The following FAM168A variants were observed in gnomAD, a reference collection of about 807,000 sequenced individuals.
The protein encoded by FAM168A is protein FAM168A.
In FAM168A, 3 loss-of-function variants were observed where a neutral mutation model predicts 28.5. The observed-to-expected ratio is 0.11, with a 90% CI of 0.05 to 0.27. FAM168A has a LOEUF of 0.27. Among genes scored for constraint, FAM168A ranks in the 10% least tolerant of loss-of-function variants. FAM168A has a pLI of 1.00. For missense variants in FAM168A, 222 were observed against 311.5 expected, an observed-to-expected ratio of 0.71 and a Z score of 2.16; for synonymous variants, 122 against 124.2, an observed-to-expected ratio of 0.98 and a Z score of 0.12.
At chr11:73,513,755 T>A (rs945844239) in intron 1 of FAM168A, among the ~76,000 whole-genome samples, 11 of 152,146 alleles carry the variant, frequency 7.2e-5, no homozygotes, top group Admixed American at 4.6e-4. Flanking sequence ...GGCCAATAAG[T>A]TACCACAGCA....
In FAM168A at chr11:73,574,789, C is replaced by T. The variant is rs148541446; in HGVS notation, c.-19+23134G>A. On this transcript the variant is annotated intron_variant, in intron 1 of 7. Coordinates refer to ENST00000356467, the MANE Select transcript of FAM168A (RefSeq NM_015159.3). ...ATTTTGGCCAGGCTAGTCTCAAACT[C>T]CTGACCTCCAGTGACCCGCTCATCT... Among the ~76,000 whole-genome samples the T allele has an allele frequency of 2.1e-3, 314 of 149,188 alleles. 1 individual carries two copies. The highest frequency in any genetic ancestry group is 7.4e-3 in the African/African-American group (297 of 40,326).
intron 1 of FAM168A, among the ~76,000 whole-genome samples, chr11:73,535,809 C>T (rs1192716015): frequency 6.6e-6 from 1 of 151,316 alleles, no homozygotes; most frequent in Non-Finnish European, 1.5e-5. Context: ...GATCCTCCCA[C>T]CTTGGCCTCC....
rs191683978 is a variant in FAM168A at position 73,473,818 on chromosome 11, C to A, written c.-18-5326G>T. On this transcript the variant is annotated intron_variant, in intron 1 of 7. Coordinates refer to ENST00000356467, the MANE Select transcript of FAM168A (RefSeq NM_015159.3). ...TTCTCTGTTCTCTCATCCTTTCTTACTTTTTTTTTTTTTGAGATGGAGTCT... is the reference window on the plus strand; with the variant it reads ...TTCTCTGTTCTCTCATCCTTTCTTAATTTTTTTTTTTTTGAGATGGAGTCT... Among the ~76,000 whole-genome samples the A allele has an allele frequency of 1.1e-3, 157 of 145,930 alleles. 1 individual carries two copies. Among genetic ancestry groups the A allele is most frequent in the African/African-American group, 3.8e-3 (151 of 40,070 alleles).
intron 2 of FAM168A, among the ~76,000 whole-genome samples, chr11:73,458,848 G>T (rs568967455): frequency 4.5e-4 from 68 of 152,276 alleles, no homozygotes; most frequent in Non-Finnish European, 7.5e-4. Flanking sequence ...CTGACCTCAT[G>T]ATCCGCCCGC....
chr11:73,557,872 G>T (rs1353969395), intron 1 of FAM168A, among the ~76,000 whole-genome samples: 1 of 152,072 alleles, frequency 6.6e-6, no homozygotes, highest in Non-Finnish European at 1.5e-5. Flanking sequence ...ATACATCTCT[G>T]GCCAATTAAT....
chr11:73,545,077 G>A, intron 1 of FAM168A, among the ~76,000 whole-genome samples: 1 of 124,024 alleles, frequency 8.1e-6, no homozygotes, highest in Non-Finnish European at 1.6e-5. Flanking sequence ...CCAGGCTGGA[G>A]TGCAGCGCCA....
rs1555026158 is a variant in FAM168A at position 73,484,548 on chromosome 11, C to CTATA, written c.-18-16060_-18-16057dup. 1.0e-4 allele frequency among the ~76,000 whole-genome samples: 13 copies of CTATA among 124,866 alleles called. No homozygotes were observed. In the South Asian group the frequency reaches 1.6e-3, roughly 16 times the overall value. 81.9% of individuals were successfully genotyped at this position (124,866 alleles called of 152,430 possible). ...TATATCTATATATCTATATATCTAT[C>CTATA]TATATCTATATATCTATATATCTAT... On this transcript the variant is annotated intron_variant, in intron 1 of 7. Coordinates refer to ENST00000356467, the MANE Select transcript of FAM168A (RefSeq NM_015159.3).
intron 1 of FAM168A, among the ~76,000 whole-genome samples, chr11:73,483,360 GA>G (rs1424132850): frequency 1.3e-5 from 2 of 152,184 alleles, no homozygotes; most frequent in Non-Finnish European, 2.9e-5. Context: ...AACGAGTAAG[GA>G]AAGTGTTCAT....
chr11:73,595,472 A>G (rs1784260589), intron 1 of FAM168A, among the ~76,000 whole-genome samples: 1 of 152,200 alleles, frequency 6.6e-6, no homozygotes, highest in Admixed American at 6.5e-5. Flanking sequence ...TTCGATCCCA[A>G]TGGTGCCAAT....
chr11:73,402,856 TA>T lies in FAM168A; in HGVS notation c.*3906del, dbSNP rs1798229257. The T allele has an allele frequency of 1.3e-5, 2 of 152,188 alleles. No individual in the cohort carries two copies. The highest frequency in any genetic ancestry group is 1.5e-5 in the Non-Finnish European group (1 of 68,042). The allele number at this position is 152,188 out of a possible 1,614,324, so 9.4% of individuals were successfully genotyped here. Reference sequence around the variant, plus strand: ...CTCTGGGTCCCTCCCCAGGGCTCATTACAGGTCCTGGCCCAAAGCAGTTCAT... The same window carrying T: ...CTCTGGGTCCCTCCCCAGGGCTCATTCAGGTCCTGGCCCAAAGCAGTTCAT... On this transcript the variant is annotated 3_prime_UTR_variant, in exon 8 of 8. Transcript: ENST00000356467.
chr11:73,496,913 ACACG>A (rs1219182290), intron 1 of FAM168A, among the ~76,000 whole-genome samples: 25 of 151,390 alleles, frequency 1.7e-4, no homozygotes, highest in African/African-American at 5.1e-4. Flanking sequence ...ACACGCACAC[ACACG>A]CACACACACA....
chr11:73,558,586 T>C lies in FAM168A; in HGVS notation c.-19+39337A>G, dbSNP rs143760944. ...CGGACTATATAAGGAACTTTTATAATTCAACAACAAAAAGGCAAAAAAAAA... is the reference window on the plus strand; with the variant it reads ...CGGACTATATAAGGAACTTTTATAACTCAACAACAAAAAGGCAAAAAAAAA... On this transcript the variant is annotated intron_variant, in intron 1 of 7. Coordinates refer to ENST00000356467, the MANE Select transcript of FAM168A (RefSeq NM_015159.3). 1.6e-3 allele frequency among the ~76,000 whole-genome samples: 236 copies of C among 150,866 alleles called. 1 individual carries two copies. The highest frequency in any genetic ancestry group is 5.3e-3 in the African/African-American group (217 of 41,052).
intron 1 of FAM168A, among the ~76,000 whole-genome samples, chr11:73,558,350 T>G (rs980449573): frequency 1.3e-5 from 2 of 151,618 alleles, no homozygotes; most frequent in Non-Finnish European, 2.9e-5. Flanking sequence ...ACATCTGTAG[T>G]CCTAGCTACT....
At chr11:73,458,132 C>T (rs1867574407) in intron 2 of FAM168A, among the ~76,000 whole-genome samples, 2 of 152,164 alleles carry the variant, frequency 1.3e-5, no homozygotes, top group South Asian at 4.1e-4. Context: ...ACAAGAAGTA[C>T]ATAATTTCTG....
At chr11:73,481,700 A>C (rs572636840) in intron 1 of FAM168A, among the ~76,000 whole-genome samples, 1 of 152,348 alleles carries the variant, frequency 6.6e-6, no homozygotes, top group Admixed American at 6.5e-5. Context: ...TCAAAAGTAC[A>C]AACTGCCATA....
intron 1 of FAM168A, among the ~76,000 whole-genome samples, chr11:73,497,894 A>C (rs1854925146): frequency 1.3e-5 from 2 of 152,248 alleles, no homozygotes; most frequent in African/African-American, 4.8e-5. Context: ...TAGAACTTAA[A>C]GCATAATAAA....
chr11:73,454,950 G>A (rs1867501773), intron 2 of FAM168A, among the ~76,000 whole-genome samples: 1 of 152,160 alleles, frequency 6.6e-6, no homozygotes, highest in Non-Finnish European at 1.5e-5. Context: ...CAAGAGCTTG[G>A]GAGCCACGAG....
At position 73,464,352 on chromosome 11, in the gene FAM168A, T is replaced by TA. The variant is rs377420678; in HGVS notation, c.70+4052dup. Among the ~76,000 whole-genome samples the TA allele has an allele frequency of 2.2e-3, 316 of 143,194 alleles. 2 individuals carry two copies. Among genetic ancestry groups the TA allele is most frequent in the South Asian group, 7.4e-3 (33 of 4,436 alleles). The allele number at this position is 143,194 out of a possible 152,430, so 93.9% of individuals were successfully genotyped here. On this transcript the variant is annotated intron_variant, in intron 2 of 7. Transcript: ENST00000356467. Reference sequence around the variant, plus strand: ...GTGGGGGGGAAAACAAACACTGGTTTAAAAAAAAAAAAAAAGATGGTAGTC... The same window carrying TA: ...GTGGGGGGGAAAACAAACACTGGTTTAAAAAAAAAAAAAAAAGATGGTAGTC...
At chr11:73,492,568 G>A (rs1226639018) in intron 1 of FAM168A, among the ~76,000 whole-genome samples, 2 of 152,164 alleles carry the variant, frequency 1.3e-5, no homozygotes, top group African/African-American at 4.8e-5. Context: ...CTTAAGCCTG[G>A]AGGTCAAGGC....
Sources: gnomAD v4.1 joint callset for allele counts (sites outside exome capture counted in the v4.1 genomes callset) on GRCh38, gnomAD v4.1.1 for gene constraint, MANE v1.5 for transcripts, NCBI Gene and HGNC (gene_info 2026-07-23, HGNC 2026-07-21) for gene names.